The following TIGAR variants were observed in gnomAD, a reference collection of about 807,000 sequenced individuals.
TIGAR encodes TP53 induced glycolysis regulatory phosphatase.
A neutral mutation model predicts 17.9 loss-of-function variants in TIGAR; 7 were observed. The observed-to-expected ratio is 0.39, with a 90% CI of 0.22 to 0.73. The LOEUF (loss-of-function observed/expected upper bound fraction) is 0.73, where lower values mean the gene tolerates loss of function less well. Among genes scored for constraint, TIGAR ranks in the 30% least tolerant of loss-of-function variants. TIGAR has a pLI of 0.42. For synonymous variants in TIGAR, 94 were observed against 108.6 expected (o/e 0.87, Z 0.84); for missense variants, 258 against 327.4 (o/e 0.79, Z 1.64).
chr12:4,324,565 T>A, intron 1 of TIGAR: 1 of 1,605,826 alleles, frequency 6.2e-7, no homozygotes, highest in Non-Finnish European at 8.5e-7. Context: ...GATGATCATG[T>A]CCCGCAGGTG....
intron 3 of TIGAR, among the ~76,000 whole-genome samples, chr12:4,343,505 C>T (rs1287432355): frequency 1.3e-5 from 2 of 152,080 alleles, no homozygotes; most frequent in African/African-American, 4.8e-5. Flanking sequence ...TCAGCAAATG[C>T]AAAAGAACAG....
rs772136650 is a variant in TIGAR, at chr12:4,349,849, T to G, written c.223T>G (p.Phe75Val). ...TMHGILERSK[F>V]CKDMTVKYDS... is the part of the protein sequence containing the mutation. ...GCATGGAATTTTGGAGAGAAGCAAA[T>G]TTTGCAAAGATATGACGGTAAAGTA... Residue 75 changes from phenylalanine (F) to valine (V), a missense_variant, in exon 4 of 6, where the codon TTT becomes GTT. Phe to Val is a conservative substitution (Grantham distance 50). Coordinates refer to ENST00000179259, the MANE Select transcript of TIGAR (RefSeq NM_020375.3). The G allele has an allele frequency of 6.3e-6, 10 of 1,581,270 alleles. No individual in the cohort carries two copies. The highest frequency in any genetic ancestry group is 1.2e-5 in the South Asian group (1 of 83,694).
intron 3 of TIGAR, among the ~76,000 whole-genome samples, chr12:4,338,216 G>A (rs964798461): frequency 5.9e-5 from 9 of 152,176 alleles, no homozygotes. Flanking sequence ...CTGTGAGTGA[G>A]GTATTGTTGG....
chr12:4,352,718 A>G lies in TIGAR; in HGVS notation c.*27A>G. The stretch of plus-strand genomic sequence containing the variant: ...GTTAAATCTGCATCAAAATCTAACC[A>G]TTTTGAGCCTCTGAAGGGAGTGCCA... On this transcript the variant is annotated 3_prime_UTR_variant, in exon 6 of 6. Transcript: ENST00000179259. The G allele has an allele frequency of 1.3e-6, 2 of 1,580,328 alleles. No individual in the cohort carries two copies. Among genetic ancestry groups the G allele is most frequent in the Non-Finnish European group, 1.7e-6 (2 of 1,168,148 alleles).
chr12:4,351,657 C>T (rs946476562), intron 5 of TIGAR, among the ~76,000 whole-genome samples: 1 of 152,046 alleles, frequency 6.6e-6, no homozygotes, highest in African/African-American at 2.4e-5. Flanking sequence ...GAGTGGAGTT[C>T]AAAGAGGGTG....
intron 1 of TIGAR, among the ~76,000 whole-genome samples, chr12:4,325,530 C>T (rs774398477): frequency 2.3e-4 from 35 of 151,770 alleles, no homozygotes; most frequent in Admixed American, 5.3e-4. Flanking sequence ...CACCTGAGGC[C>T]GGGAGTTCAA....
chr12:4,330,807 A>G (rs568411987), intron 1 of TIGAR, among the ~76,000 whole-genome samples: 20 of 152,222 alleles, frequency 1.3e-4, no homozygotes, highest in South Asian at 4.1e-4. Flanking sequence ...AGACCTAGGA[A>G]CTAAGAGAAG....
rs181298937 is a variant in TIGAR at position 4,359,687 on chromosome 12, C to T, written c.*6996C>T. Among the ~76,000 whole-genome samples the T allele has an allele frequency of 4.6e-5, 7 of 152,132 alleles. No homozygotes were observed. The highest frequency in any genetic ancestry group is 1.2e-4 in the African/African-American group (5 of 41,514). On this transcript the variant is annotated 3_prime_UTR_variant, in exon 6 of 6. Coordinates refer to ENST00000179259, the MANE Select transcript of TIGAR (RefSeq NM_020375.3). ...ATATTTTTACAAGTCTTTTTGCGGACGTATGTTTTCATTTCTCTTGGGTAA... is the reference window on the plus strand; with the variant it reads ...ATATTTTTACAAGTCTTTTTGCGGATGTATGTTTTCATTTCTCTTGGGTAA...
Position 4,331,327 on chromosome 12 carries a change from A to T in TIGAR, c.70+10A>T, listed in dbSNP as rs374820242. 2 of 1,607,446 alleles carry T rather than the reference A, an allele frequency of 1.2e-6. No individual in the cohort carries two copies. The highest frequency in any genetic ancestry group is 1.7e-6 in the Non-Finnish European group (2 of 1,174,102). On this transcript the variant is annotated intron_variant, in intron 2 of 5. Transcript: ENST00000179259. ...GAGAAAATAATCCAAGGTTGGTATA[A>T]TCCGATTGTTATTTTAGCTCTCACC...
intron 3 of TIGAR, among the ~76,000 whole-genome samples, chr12:4,345,026 A>C (rs866095311): frequency 2.6e-5 from 4 of 152,228 alleles, no homozygotes; most frequent in African/African-American, 9.6e-5. Context: ...AAAGAGGATA[A>C]AATACCTAGG....
intron 3 of TIGAR, among the ~76,000 whole-genome samples, chr12:4,346,750 A>G (rs1027079071): frequency 3.9e-5 from 6 of 152,018 alleles, no homozygotes; most frequent in African/African-American, 1.4e-4. Flanking sequence ...AACTTAAAGT[A>G]TAATAAAAAA....
intron 1 of TIGAR, among the ~76,000 whole-genome samples, chr12:4,328,504 T>G (rs1178837004): frequency 6.6e-6 from 1 of 151,898 alleles, no homozygotes; most frequent in Non-Finnish European, 1.5e-5. Flanking sequence ...GGTAATCTTT[T>G]ATTAATATTA....
At chr12:4,340,361 A>C (rs184159576) in intron 3 of TIGAR, among the ~76,000 whole-genome samples, 217 of 152,350 alleles carry the variant, frequency 1.4e-3, no homozygotes, top group Non-Finnish European at 2.2e-3. Context: ...AGAGCTCCAC[A>C]AGGAAAACTA....
chr12:4,351,239 G>T (rs987502250), intron 4 of TIGAR, 28 bp from the exon 5 acceptor site: 2 of 1,595,044 alleles, frequency 1.3e-6, no homozygotes, highest in Non-Finnish European at 1.7e-6. Flanking sequence ...TTTCATTTGA[G>T]AAACTGTTAT....
intron 1 of TIGAR, among the ~76,000 whole-genome samples, chr12:4,325,531 G>A (rs980574149): frequency 2.0e-5 from 3 of 151,740 alleles, no homozygotes; most frequent in Admixed American, 1.3e-4. Context: ...ACCTGAGGCC[G>A]GGAGTTCAAG....
At chr12:4,329,019 C>T (rs1384390740) in intron 1 of TIGAR, among the ~76,000 whole-genome samples, 2 of 152,170 alleles carry the variant, frequency 1.3e-5, no homozygotes, top group African/African-American at 4.8e-5. Context: ...TCATGTTTAT[C>T]CTTCCATTGT....
At position 4,351,420 on chromosome 12, in the gene TIGAR, A is replaced by G. The variant is rs558447460; in HGVS notation, c.381+43A>G. The G allele has an allele frequency of 1.2e-5, 18 of 1,531,436 alleles. No individual in the cohort carries two copies. In the East Asian group the frequency reaches 2.0e-4, roughly 17 times the overall value. The allele number at this position is 1,531,436 out of a possible 1,614,324, so 94.9% of individuals were successfully genotyped here. ...TGTCAGAATGGTTGAATTAAGACTC[A>G]AAATTAGATGTTTTGGAATTTTAGC... is the stretch of plus-strand genomic sequence containing the variant. On this transcript the variant is annotated intron_variant, in intron 5 of 5. Transcript: ENST00000179259.
At chr12:4,326,463 A>T (rs906344092) in intron 1 of TIGAR, among the ~76,000 whole-genome samples, 4 of 152,248 alleles carry the variant, frequency 2.6e-5, no homozygotes, top group Non-Finnish European at 5.9e-5. Flanking sequence ...CTTTTGGAAA[A>T]AAATCTATTT....
chr12:4,351,307 G>C lies in TIGAR; in HGVS notation c.311G>C (p.Arg104Thr). Reference sequence around the variant, plus strand: ...GAAGGCAAAGCGCTAAGTGAGCTGAGGGCCATGGCCAAAGCAGCCAGGGAA... The same window carrying C: ...GAAGGCAAAGCGCTAAGTGAGCTGACGGCCATGGCCAAAGCAGCCAGGGAA... ...VVEGKALSEL[R>T]AMAKAAREEC... The change falls in exon 5 of 6, where the codon AGG (arginine) becomes ACG (threonine). Residue 104 changes from arginine to threonine, a missense_variant. Transcript: ENST00000179259. 2 of 1,614,192 alleles carry C rather than the reference G, an allele frequency of 1.2e-6. No individual in the cohort carries two copies. Among genetic ancestry groups the C allele is most frequent in the Non-Finnish European group, 1.7e-6 (2 of 1,180,034 alleles).
Sources: gnomAD v4.1 joint callset for allele counts (sites outside exome capture counted in the v4.1 genomes callset) on GRCh38, gnomAD v4.1.1 for gene constraint, MANE v1.5 for transcripts, NCBI Gene and HGNC (gene_info 2026-07-23, HGNC 2026-07-21) for gene names.